DMD: variants seen among roughly 807,000 people sequenced by gnomAD.
DMD encodes the protein dystrophin, also known as mutant dystrophin.
DMD carries 63 observed loss-of-function variants against 330.1 expected under a neutral mutation model. The ratio of observed to expected loss-of-function variants is 0.19; its 90% CI spans 0.16 to 0.24. The LOEUF is 0.24. Among genes scored for constraint, DMD ranks in the 10% least tolerant of loss-of-function variants. DMD has a pLI of 1.00. For missense variants in DMD, 3,344 were observed against 2,684.1 expected (o/e 1.25, Z -5.43); for synonymous variants, 1,223 against 959.8 (o/e 1.27, Z -5.07).
intron 53 of DMD, 31 bp downstream of exon 53, chrX:31,679,344 T>C (rs1016806942): frequency 7.3e-6 from 8 of 1,090,568 alleles, no homozygotes; most frequent in Non-Finnish European, 1.0e-5. Flanking sequence ...TAACCAGTAT[T>C]TTATTTTAAA....
chrX:31,954,155 C>T (rs2095218643), intron 45 of DMD, among the ~76,000 whole-genome samples: 1 of 111,405 alleles, frequency 9.0e-6, no homozygotes, highest in African/African-American at 3.3e-5. Context: ...GACCCATATT[C>T]GTTAAAGAGT....
intron 55 of DMD, among the ~76,000 whole-genome samples, chrX:31,556,375 A>G (rs1300436042): frequency 9.2e-6 from 1 of 108,800 alleles, no homozygotes; most frequent in Non-Finnish European, 1.9e-5. Flanking sequence ...TCAAAAAAAA[A>G]AAAAAAGAAA....
chrX:33,230,957 CA>C (rs199599120), intron 1 of DMD, among the ~76,000 whole-genome samples: 119 of 95,152 alleles, frequency 1.3e-3, no homozygotes, highest in Middle Eastern at 9.4e-3. Flanking sequence ...ACATAATAGC[CA>C]AAAAAAAAAA....
intron 1 of DMD, among the ~76,000 whole-genome samples, chrX:33,201,773 A>G (rs916679645): frequency 8.9e-6 from 1 of 112,638 alleles, no homozygotes; most frequent in African/African-American, 3.2e-5. Flanking sequence ...ATACTAAATC[A>G]TGTTCAGGTT....
At chrX:32,965,879 A>G (rs980599743) in intron 2 of DMD, among the ~76,000 whole-genome samples, 1 of 111,713 alleles carries the variant, frequency 9.0e-6, no homozygotes, top group African/African-American at 3.2e-5. Flanking sequence ...GTCCCCAGAG[A>G]GTGTTTTTAG....
chrX:31,285,617 G>A (rs1460433360), intron 62 of DMD, among the ~76,000 whole-genome samples: 1 of 111,647 alleles, frequency 9.0e-6, no homozygotes, highest in Non-Finnish European at 1.9e-5. Flanking sequence ...AATAGTTTCA[G>A]TCTTTTGTGC....
At chrX:33,314,538 G>A (rs891569504) in intron 1 of DMD, among the ~76,000 whole-genome samples, 32 of 101,786 alleles carry the variant, frequency 3.1e-4, no homozygotes, top group African/African-American at 1.1e-3. Flanking sequence ...GATTACATGC[G>A]TGATCCACTG....
intron 44 of DMD, among the ~76,000 whole-genome samples, chrX:32,210,267 TG>T (rs1238876660): frequency 8.9e-6 from 1 of 112,283 alleles, no homozygotes; most frequent in African/African-American, 3.2e-5. Context: ...TGCTAGTGTA[TG>T]TCTTCTAGTT....
At chrX:32,548,587 G>A (rs2049207105) in intron 16 of DMD, among the ~76,000 whole-genome samples, 1 of 111,732 alleles carries the variant, frequency 8.9e-6, no homozygotes, top group Non-Finnish European at 1.9e-5. Flanking sequence ...ACACTATTGA[G>A]TAAACAATGC....
At chrX:32,592,484 A>T (rs1029133230) in intron 13 of DMD, among the ~76,000 whole-genome samples, 54 of 110,619 alleles carry the variant, frequency 4.9e-4, no homozygotes, top group African/African-American at 1.6e-3. Flanking sequence ...TCACAGCTGC[A>T]CACTCCCTGG....
intron 7 of DMD, among the ~76,000 whole-genome samples, chrX:32,702,455 G>C (rs1221021169): frequency 9.0e-6 from 1 of 111,356 alleles, no homozygotes; most frequent in Non-Finnish European, 1.9e-5. Flanking sequence ...CAGTGGCTTT[G>C]TGTGTCTTAG....
At position 32,484,886 on chromosome X, in the gene DMD, T is replaced by A. The variant is rs374710005; in HGVS notation, c.2803+33A>T. ...CCCCACAAATAACCATTTTGGAAAA[T>A]GTCAAGTTAGCCATTTTAGGCTTTT... On this transcript the variant is annotated intron_variant, in intron 21 of 78. Transcript: ENST00000357033. 3.4e-5 allele frequency: 40 copies of A among 1,193,848 alleles called. No individual in the cohort carries two copies. In the African/African-American group the frequency reaches 3.7e-4, roughly 11 times the overall value.
At chrX:32,209,078 G>A (rs1463534023) in intron 44 of DMD, among the ~76,000 whole-genome samples, 1 of 111,194 alleles carries the variant, frequency 9.0e-6, no homozygotes, top group East Asian at 2.8e-4. Context: ...TCTACGTACC[G>A]AGGTATATTG....
At position 31,845,029 on chromosome X, in the gene DMD, CATAT is replaced by C. The variant is rs755920510; in HGVS notation, c.7099-8214_7099-8211del. ...AGAGGTATGCCTGTATATGTGTATA[CATAT>C]ATATATATATATGTATATGTGTGTA... On this transcript the variant is annotated intron_variant, in intron 48 of 78. Coordinates refer to ENST00000357033, the MANE Select transcript of DMD (RefSeq NM_004006.3). 4.2e-4 allele frequency among the ~76,000 whole-genome samples: 38 copies of C among 90,632 alleles called. 1 individual carries two copies. Among genetic ancestry groups the C allele is most frequent in the African/African-American group, 1.3e-3 (30 of 23,694 alleles). 78.7% of individuals were successfully genotyped at this position (90,632 alleles called of 115,157 possible).
At chrX:32,894,828 A>G (rs1224295271) in intron 2 of DMD, among the ~76,000 whole-genome samples, 2 of 112,394 alleles carry the variant, frequency 1.8e-5, no homozygotes, top group East Asian at 2.8e-4. Flanking sequence ...ACGTGTGTGT[A>G]TGCATGGGTG....
intron 50 of DMD, among the ~76,000 whole-genome samples, chrX:31,792,147 A>T (rs1158303738): frequency 8.9e-6 from 1 of 111,818 alleles, no homozygotes; most frequent in Admixed American, 9.5e-5. Context: ...ACATGTTAGA[A>T]CCACCCAATT....
intron 43 of DMD, among the ~76,000 whole-genome samples, chrX:32,267,938 G>A (rs1352266148): frequency 4.5e-5 from 5 of 111,926 alleles, no homozygotes; most frequent in African/African-American, 1.6e-4. Context: ...CTAACCAAAG[G>A]TGAGTACATA....
intron 59 of DMD, among the ~76,000 whole-genome samples, chrX:31,456,834 A>ATGTGTGTG (rs1172234432): frequency 2.5e-3 from 170 of 66,999 alleles, no homozygotes; most frequent in East Asian, 0.02. Context: ...GTGCCCACAT[A>ATGTGTGTG]TATGTGTGTG....
intron 4 of DMD, among the ~76,000 whole-genome samples, chrX:32,840,172 GAAAGCATTGTT>G (rs2080036710): frequency 8.9e-6 from 1 of 111,785 alleles, no homozygotes; most frequent in African/African-American, 3.2e-5. Flanking sequence ...TAGCTCAGAT[GAAAGCATTGTT>G]AATATCTGCT....
Sources: gnomAD v4.1 joint callset for allele counts (sites outside exome capture counted in the v4.1 genomes callset) on GRCh38, gnomAD v4.1.1 for gene constraint, MANE v1.5 for transcripts, NCBI Gene and HGNC (gene_info 2026-07-23, HGNC 2026-07-21) for gene names.